The following UNC5D variants were observed in gnomAD, a reference collection of about 807,000 sequenced individuals.
UNC5D encodes netrin receptor UNC5D.
Under a neutral mutation model 105.4 loss-of-function variants are expected in UNC5D, and 39 were observed. That is an observed-to-expected ratio of 0.37 (90% confidence interval 0.29 to 0.48). The LOEUF (loss-of-function observed/expected upper bound fraction) is 0.48. Ranked by LOEUF, UNC5D falls within the 20% of genes least tolerant of loss-of-function variation. The probability of loss-of-function intolerance (pLI) is 0.98; values close to 1 mark genes in which losing one functional copy is unlikely to be tolerated. For missense variants in UNC5D, 991 were observed against 1,202.4 expected, an observed-to-expected ratio of 0.82 and a Z score of 2.60; for synonymous variants, 452 against 450.4, an observed-to-expected ratio of 1.00 and a Z score of -0.04.
At chr8:35,341,878 CT>C (rs1811480009) in intron 1 of UNC5D, among the ~76,000 whole-genome samples, 1 of 152,042 alleles carries the variant, frequency 6.6e-6, no homozygotes, top group Non-Finnish European at 1.5e-5. Context: ...CCATGCGGTT[CT>C]TTTTGCAACA....
chr8:35,247,520 C>CTA (rs1460211783), intron 1 of UNC5D, among the ~76,000 whole-genome samples: 62 of 122,104 alleles, frequency 5.1e-4, no homozygotes, highest in African/African-American at 1.4e-3. Flanking sequence ...TTCTCTCTCT[C>CTA]TCTATATATA....
At chr8:35,513,223 CTTTTTTTT>C (rs35988823) in intron 1 of UNC5D, among the ~76,000 whole-genome samples, 5 of 134,148 alleles carry the variant, frequency 3.7e-5, no homozygotes, top group African/African-American at 1.4e-4. Flanking sequence ...TTGGACCCTC[CTTTTTTTT>C]TTTTTTTTTT....
At position 35,793,153 on chromosome 8, in the gene UNC5D, G is replaced by GA; in HGVS notation, c.*2591dup. Reference sequence around the variant, plus strand: ...TTATTGCTGCTAGGATCCTACATAGGATTTCTATAGAAATGTATGAAATTC... The same window carrying GA: ...TTATTGCTGCTAGGATCCTACATAGGAATTTCTATAGAAATGTATGAAATTC... On this transcript the variant is annotated 3_prime_UTR_variant, in exon 17 of 17. Coordinates refer to ENST00000404895, the MANE Select transcript of UNC5D (RefSeq NM_080872.4). The GA allele has an allele frequency of 2.2e-6, 1 of 455,958 alleles. No individual in the cohort carries two copies. The highest frequency in any genetic ancestry group is 1.6e-5 in the South Asian group (1 of 64,452). The allele number at this position is 455,958 out of a possible 1,614,324, so 28.2% of individuals were successfully genotyped here.
At chr8:35,690,066 A>G (rs1402101103) in intron 7 of UNC5D, among the ~76,000 whole-genome samples, 1 of 152,192 alleles carries the variant, frequency 6.6e-6, no homozygotes, top group Non-Finnish European at 1.5e-5. Flanking sequence ...CTTTCTATTC[A>G]ATCTATTAAT....
intron 1 of UNC5D, among the ~76,000 whole-genome samples, chr8:35,278,317 C>A (rs904218251): frequency 3.3e-5 from 5 of 152,306 alleles, no homozygotes; most frequent in African/African-American, 1.2e-4. Flanking sequence ...ACTTCCACAA[C>A]CTTCCCAGGT....
Position 35,573,352 on chromosome 8 carries a change from A to G in UNC5D, c.466+5111A>G, listed in dbSNP as rs1282862772. Among the ~76,000 whole-genome samples the G allele has an allele frequency of 5.3e-5, 8 of 152,120 alleles. No homozygotes were observed. The East Asian group carries it at 1.5e-3, about 29-fold the overall frequency. On this transcript the variant is annotated intron_variant, in intron 3 of 16. Transcript: ENST00000404895. ...TGGCTACTCAGGAGGCTGAGGCAGG[A>G]GGATCACTTGAGCCTAGGAGTTTTG...
chr8:35,612,712 A>G (rs1820763702), intron 4 of UNC5D, among the ~76,000 whole-genome samples: 1 of 141,906 alleles, frequency 7.0e-6, no homozygotes, highest in South Asian at 2.2e-4. Context: ...AGAAACTGCT[A>G]AATGTTTTGC....
intron 1 of UNC5D, among the ~76,000 whole-genome samples, chr8:35,351,877 A>G (rs1812263303): frequency 6.6e-6 from 1 of 152,100 alleles, no homozygotes. Context: ...ACTAGTGCTG[A>G]TATTGGCATG....
chr8:35,559,290 G>A (rs1335432617), intron 2 of UNC5D, among the ~76,000 whole-genome samples: 1 of 152,164 alleles, frequency 6.6e-6, no homozygotes, highest in Admixed American at 6.5e-5. Flanking sequence ...CTTCTGTATG[G>A]TTGGGGATAT....
chr8:35,414,173 C>G (rs934744959), intron 1 of UNC5D, among the ~76,000 whole-genome samples: 1 of 152,058 alleles, frequency 6.6e-6, no homozygotes, highest in Admixed American at 6.6e-5. Flanking sequence ...AAGATAGGAA[C>G]AAATAACATC....
chr8:35,309,326 A>G (rs1458347181), intron 1 of UNC5D, among the ~76,000 whole-genome samples: 1 of 152,188 alleles, frequency 6.6e-6, no homozygotes, highest in East Asian at 1.9e-4. Flanking sequence ...CAGGTGCAAC[A>G]CTGAGGTACA....
chr8:35,505,445 A>G (rs1184361795), intron 1 of UNC5D, among the ~76,000 whole-genome samples: 1 of 152,076 alleles, frequency 6.6e-6, no homozygotes. Flanking sequence ...AGCTTTGGAA[A>G]CTCCTGACAG....
At chr8:35,453,130 T>A (rs1808277311) in intron 1 of UNC5D, among the ~76,000 whole-genome samples, 3 of 152,200 alleles carry the variant, frequency 2.0e-5, no homozygotes, top group South Asian at 2.1e-4. Flanking sequence ...TAGGGAAATC[T>A]AATTACTGAC....
At chr8:35,724,171 C>A (rs1828734902) in intron 9 of UNC5D, 1 of 1,473,080 alleles carries the variant, frequency 6.8e-7, no homozygotes. Flanking sequence ...TTAAACTCAA[C>A]TTATGTGTAT....
intron 6 of UNC5D, 61 bp from the exon 7 acceptor site, chr8:35,686,484 T>G: frequency 2.0e-6 from 3 of 1,482,480 alleles, no homozygotes; most frequent in Non-Finnish European, 2.7e-6. Context: ...AGTCCTGGGG[T>G]GAGTCTCCTG....
intron 1 of UNC5D, among the ~76,000 whole-genome samples, chr8:35,545,530 G>A (rs1301503976): frequency 1.3e-5 from 2 of 152,078 alleles, no homozygotes; most frequent in African/African-American, 4.8e-5. Flanking sequence ...GCCACCTACT[G>A]GGCAGGGCTT....
intron 2 of UNC5D, among the ~76,000 whole-genome samples, chr8:35,556,442 C>T (rs1396042462): frequency 6.6e-6 from 1 of 152,096 alleles, no homozygotes; most frequent in African/African-American, 2.4e-5. Context: ...CTGATCCAGA[C>T]CCCAAGAGAG....
chr8:35,713,026 T>C (rs968663831), intron 8 of UNC5D, among the ~76,000 whole-genome samples: 1 of 152,150 alleles, frequency 6.6e-6, no homozygotes, highest in South Asian at 2.1e-4. Flanking sequence ...TCAATCCATA[T>C]ATATGTGCAA....
chr8:35,587,965 A>AATATATATATATATAT lies in UNC5D; in HGVS notation c.467-7575_467-7560dup, dbSNP rs57681405. Reference sequence around the variant, plus strand: ...TTAGGGTTTTTCCTATAACTATAATAATATATATATATATATATATATATA... The same window carrying AATATATATATATATAT: ...TTAGGGTTTTTCCTATAACTATAATAATATATATATATATATATATATATATATATATATATATATA... On this transcript the variant is annotated intron_variant, in intron 3 of 16. Coordinates refer to ENST00000404895, the MANE Select transcript of UNC5D (RefSeq NM_080872.4). Among the ~76,000 whole-genome samples the AATATATATATATATAT allele has an allele frequency of 2.9e-3, 304 of 105,042 alleles. 6 individuals are homozygous for AATATATATATATATAT. The highest frequency in any genetic ancestry group is 6.0e-3 in the African/African-American group (180 of 30,180). The allele number at this position is 105,042 out of a possible 152,430, so 68.9% of individuals were successfully genotyped here.
Sources: gnomAD v4.1 joint callset for allele counts (sites outside exome capture counted in the v4.1 genomes callset) on GRCh38, gnomAD v4.1.1 for gene constraint, MANE v1.5 for transcripts, NCBI Gene and HGNC (gene_info 2026-07-23, HGNC 2026-07-21) for gene names.